GLRB: variants seen among roughly 807,000 people sequenced by gnomAD.
GLRB encodes the protein glycine receptor beta.
A neutral mutation model predicts 54.2 loss-of-function variants in GLRB; 33 were observed. That is an observed-to-expected ratio of 0.61 (90% CI 0.46 to 0.81). The LOEUF (loss-of-function observed/expected upper bound fraction) is 0.81, where lower values mean the gene tolerates loss of function less well. GLRB is among the 40% of genes least tolerant of loss of function. The pLI, the probability that GLRB is intolerant of heterozygous loss-of-function variation, is 0.00. For missense variants in GLRB, 572 were observed against 584.6 expected, an observed-to-expected ratio of 0.98 and a Z score of 0.22; for synonymous variants, 209 against 208.2, an observed-to-expected ratio of 1.00 and a Z score of -0.03.
At chr4:157,080,091 C>A (rs1461516700) in intron 2 of GLRB, among the ~76,000 whole-genome samples, 1 of 152,128 alleles carries the variant, frequency 6.6e-6, no homozygotes, top group Non-Finnish European at 1.5e-5. Context: ...TCTCTTTTCA[C>A]AACTACATTA....
chr4:157,159,777 T>A (rs1331583624), intron 9 of GLRB, among the ~76,000 whole-genome samples: 2 of 152,232 alleles, frequency 1.3e-5, no homozygotes, highest in African/African-American at 4.8e-5. Flanking sequence ...TCATCCGGGA[T>A]ATTCATCTAA....
At chr4:157,135,263 T>C (rs986513526) in intron 4 of GLRB, among the ~76,000 whole-genome samples, 2 of 152,134 alleles carry the variant, frequency 1.3e-5, no homozygotes, top group African/African-American at 4.8e-5. Flanking sequence ...TATCATAATA[T>C]TATGAATGCT....
intron 2 of GLRB, among the ~76,000 whole-genome samples, chr4:157,105,691 G>A (rs1039372262): frequency 6.6e-6 from 1 of 151,830 alleles, no homozygotes; most frequent in Non-Finnish European, 1.5e-5. Context: ...AATTTCTGTG[G>A]CCCTATGTTG....
intron 2 of GLRB, among the ~76,000 whole-genome samples, chr4:157,113,361 C>T (rs1735490078): frequency 6.6e-6 from 1 of 151,826 alleles, no homozygotes; most frequent in Non-Finnish European, 1.5e-5. Flanking sequence ...TGAGGTTTAA[C>T]TCTTTATGTC....
At chr4:157,165,199 C>T (rs1271207494) in intron 9 of GLRB, among the ~76,000 whole-genome samples, 1 of 151,926 alleles carries the variant, frequency 6.6e-6, no homozygotes, top group Non-Finnish European at 1.5e-5. Context: ...TAATAACTTA[C>T]ATCAAATGTG....
intron 4 of GLRB, among the ~76,000 whole-genome samples, chr4:157,129,635 G>A (rs1045124931): frequency 4.6e-5 from 7 of 151,746 alleles, no homozygotes; most frequent in African/African-American, 1.7e-4. Flanking sequence ...TAATAATCAG[G>A]ATGATACACT....
intron 2 of GLRB, among the ~76,000 whole-genome samples, chr4:157,107,467 G>A (rs1279978038): frequency 6.6e-6 from 1 of 152,112 alleles, no homozygotes; most frequent in Non-Finnish European, 1.5e-5. Context: ...AAGTGAAACA[G>A]TCTTATTGCT....
Position 157,136,635 on chromosome 4 carries a change from A to G in GLRB, c.464A>G (p.Asp155Gly). The stretch of plus-strand genomic sequence containing the variant: ...AATGAAAAAAGTGCCAATTTTCATG[A>G]TGTGACCCAGGAAAACATCCTCCTC... ...FANEKSANFH[D>G]VTQENILLFI... The change falls in exon 5 of 10, where the codon GAT becomes GGT. Residue 155 changes from aspartate (D) to glycine (G), a missense_variant. Asp to Gly is a moderately conservative substitution (Grantham distance 94). Transcript: ENST00000264428. The G allele has an allele frequency of 6.2e-7, 1 of 1,613,310 alleles. No individual in the cohort carries two copies. The highest frequency in any genetic ancestry group is 8.5e-7 in the Non-Finnish European group (1 of 1,179,310).
intron 4 of GLRB, among the ~76,000 whole-genome samples, chr4:157,123,869 CTT>C (rs1176386945): frequency 6.6e-6 from 1 of 151,718 alleles, no homozygotes; most frequent in African/African-American, 2.4e-5. Flanking sequence ...CATCCCCACT[CTT>C]TATCTTGCAT....
At chr4:157,114,268 C>A (rs916245468) in intron 2 of GLRB, among the ~76,000 whole-genome samples, 9 of 151,120 alleles carry the variant, frequency 6.0e-5, no homozygotes, top group South Asian at 2.1e-4. Context: ...CCAGTTAAGG[C>A]TGTGGATTTT....
At chr4:157,156,070 T>C (rs922131070) in intron 9 of GLRB, among the ~76,000 whole-genome samples, 12 of 152,208 alleles carry the variant, frequency 7.9e-5, no homozygotes, top group African/African-American at 2.7e-4. Flanking sequence ...TATGATTGCT[T>C]TGGCTATTCA....
chr4:157,103,925 CTGTGTGTGTGTGTT>C (rs1348774459), intron 2 of GLRB, among the ~76,000 whole-genome samples: 1 of 150,292 alleles, frequency 6.7e-6, no homozygotes, highest in East Asian at 2.0e-4. Flanking sequence ...TCAGTTTTAA[CTGTGTGTGTGTGTT>C]TGTGTGTGTG....
intron 2 of GLRB, among the ~76,000 whole-genome samples, chr4:157,105,323 A>G (rs951358262): frequency 1.3e-5 from 2 of 151,900 alleles, no homozygotes; most frequent in Non-Finnish European, 2.9e-5. Context: ...ACATGTGTCA[A>G]CTTTTCAGCT....
chr4:157,171,471 C>T lies in GLRB; in HGVS notation c.*743C>T, dbSNP rs1737920146. ...AAATTCTATTTAATCCACCTTAAAACCTAAATGTATTTTCATGGATTTCAT... is the reference window on the plus strand; with the variant it reads ...AAATTCTATTTAATCCACCTTAAAATCTAAATGTATTTTCATGGATTTCAT... On this transcript the variant is annotated 3_prime_UTR_variant, in exon 10 of 10. Transcript: ENST00000264428. The T allele has an allele frequency of 6.6e-6, 1 of 152,134 alleles. No homozygotes were observed. Among genetic ancestry groups the T allele is most frequent in the Admixed American group, 6.6e-5 (1 of 15,210 alleles). 9.4% of individuals were successfully genotyped at this position (152,134 alleles called of 1,614,324 possible). A position where few individuals can be genotyped will look rare whatever the true frequency, so the allele number is the denominator to read the frequency against.
intron 4 of GLRB, among the ~76,000 whole-genome samples, chr4:157,123,010 G>A (rs1735890681): frequency 6.6e-6 from 1 of 151,668 alleles, no homozygotes; most frequent in Non-Finnish European, 1.5e-5. Flanking sequence ...AGAGAGGTTT[G>A]GCTGTTGTCC....
intron 2 of GLRB, among the ~76,000 whole-genome samples, chr4:157,118,608 TG>T (rs1383858147): frequency 1.3e-5 from 2 of 151,638 alleles, no homozygotes; most frequent in African/African-American, 4.8e-5. Context: ...TAAAATGCTT[TG>T]CACTCTGACT....
chr4:157,124,517 C>A (rs1024031818), intron 4 of GLRB, among the ~76,000 whole-genome samples: 1 of 151,584 alleles, frequency 6.6e-6, no homozygotes, highest in South Asian at 2.1e-4. Context: ...CAATGGTGAA[C>A]ACATAAATAA....
intron 2 of GLRB, among the ~76,000 whole-genome samples, chr4:157,086,460 G>A (rs1205770536): frequency 6.6e-6 from 1 of 152,072 alleles, no homozygotes; most frequent in African/African-American, 2.4e-5. Context: ...TTGAATTCTG[G>A]TTGCCATAAT....
At chr4:157,148,021 A>G (rs569425175) in intron 8 of GLRB, among the ~76,000 whole-genome samples, 2 of 152,352 alleles carry the variant, frequency 1.3e-5, no homozygotes, top group Admixed American at 6.5e-5. Context: ...CCTGGTCCAT[A>G]GTATCAGAAG....
Sources: allele counts gnomAD v4.1 joint callset (sites outside exome capture counted in the v4.1 genomes callset), GRCh38; gene constraint gnomAD v4.1.1; transcripts MANE v1.5; gene names NCBI Gene and HGNC (gene_info 2026-07-23, HGNC 2026-07-21).